Variants in UNC5C observed in about 807,000 individuals in gnomAD.
The protein encoded by UNC5C is unc-5 netrin receptor C.
In UNC5C, 47 loss-of-function variants were observed where a neutral mutation model predicts 99.8. The ratio of observed to expected loss-of-function variants is 0.47; its 90% CI spans 0.37 to 0.60. The LOEUF (loss-of-function observed/expected upper bound fraction) is 0.60. Among genes scored for constraint, UNC5C ranks in the 20% least tolerant of loss-of-function variants. UNC5C has a pLI of 0.00. For synonymous variants in UNC5C, 487 were observed against 452.2 expected (o/e 1.08, Z -0.98); for missense variants, 1,062 against 1,165.9 (o/e 0.91, Z 1.30).
chr4:95,517,855 T>C (rs1722255901), intron 1 of UNC5C, among the ~76,000 whole-genome samples: 1 of 152,180 alleles, frequency 6.6e-6, no homozygotes, highest in Admixed American at 6.5e-5. Context: ...GTTAAGTAAC[T>C]CATTGAGTCT....
At chr4:95,374,491 G>A (rs533874245) in intron 1 of UNC5C, among the ~76,000 whole-genome samples, 1 of 152,084 alleles carries the variant, frequency 6.6e-6, no homozygotes, top group East Asian at 1.9e-4. Flanking sequence ...ACAAGCAGTC[G>A]CTCCTTGGCC....
intron 1 of UNC5C, among the ~76,000 whole-genome samples, chr4:95,546,086 T>C (rs146208938): frequency 7.9e-4 from 121 of 152,356 alleles, no homozygotes; most frequent in South Asian, 3.3e-3. Flanking sequence ...CTTCTAATTT[T>C]TGCAGTACTT....
intron 1 of UNC5C, among the ~76,000 whole-genome samples, chr4:95,373,000 G>A (rs114754221): frequency 0.036 from 5,418 of 152,176 alleles, 142 homozygotes; most frequent in South Asian, 0.054. Context: ...TTGAAGCTAG[G>A]ATTAAGTTCT....
chr4:95,408,488 A>G (rs923028129), intron 1 of UNC5C, among the ~76,000 whole-genome samples: 1 of 152,162 alleles, frequency 6.6e-6, no homozygotes, highest in Admixed American at 6.5e-5. Context: ...ATCTTTTTGA[A>G]TTGCTCATCT....
At chr4:95,349,045 T>A (rs1255078642) in intron 1 of UNC5C, among the ~76,000 whole-genome samples, 2 of 151,250 alleles carry the variant, frequency 1.3e-5, no homozygotes, top group African/African-American at 4.9e-5. Flanking sequence ...ATGTATAAGA[T>A]CTAGTATTTG....
At chr4:95,352,648 C>G (rs1383639431) in intron 1 of UNC5C, among the ~76,000 whole-genome samples, 1 of 152,124 alleles carries the variant, frequency 6.6e-6, no homozygotes, top group African/African-American at 2.4e-5. Flanking sequence ...ACACAGCTCC[C>G]CAATCCAGAC....
At chr4:95,322,887 G>A (rs1400388467) in intron 2 of UNC5C, among the ~76,000 whole-genome samples, 8 of 149,332 alleles carry the variant, frequency 5.4e-5, no homozygotes, top group East Asian at 3.9e-4. Flanking sequence ...GCAGTGAGCC[G>A]AGATCATGCC....
At chr4:95,276,954 A>G (rs1740884105) in intron 4 of UNC5C, among the ~76,000 whole-genome samples, 1 of 152,206 alleles carries the variant, frequency 6.6e-6, no homozygotes, top group South Asian at 2.1e-4. Flanking sequence ...TTATTTCATA[A>G]GGACTCTGCC....
In UNC5C at chr4:95,164,290, A is replaced by G. The variant is rs1243301036; in HGVS notation, c.*4944T>C. The G allele has an allele frequency of 5.3e-5, 8 of 152,236 alleles. No individual in the cohort carries two copies. The highest frequency in any genetic ancestry group is 8.8e-5 in the Non-Finnish European group (6 of 68,040). 9.4% of individuals were successfully genotyped at this position (152,236 alleles called of 1,614,324 possible). ...TCCTGGCCTGTATGGATATGGGTTT[A>G]CATAACATTGGTTACAATATATTTA... On this transcript the variant is annotated 3_prime_UTR_variant, in exon 16 of 16. Transcript: ENST00000453304.
intron 3 of UNC5C, among the ~76,000 whole-genome samples, chr4:95,279,341 G>T (rs1740970882): frequency 6.6e-6 from 1 of 152,130 alleles, no homozygotes; most frequent in South Asian, 2.1e-4. Flanking sequence ...TATAGATATA[G>T]TTGATACAGG....
chr4:95,200,484 C>T (rs2149359625), intron 12 of UNC5C, among the ~76,000 whole-genome samples: 1 of 152,316 alleles, frequency 6.6e-6, no homozygotes. Context: ...GCTGTGTGAC[C>T]TAGGGCAACT....
chr4:95,224,288 TAAAAA>T (rs1560740818), intron 7 of UNC5C, among the ~76,000 whole-genome samples: 1 of 151,990 alleles, frequency 6.6e-6, no homozygotes, highest in Non-Finnish European at 1.5e-5. Context: ...TCTCAAAAAA[TAAAAA>T]GAAAAGAATC....
At chr4:95,472,628 A>G (rs1301360411) in intron 1 of UNC5C, among the ~76,000 whole-genome samples, 2 of 152,102 alleles carry the variant, frequency 1.3e-5, no homozygotes, top group South Asian at 2.1e-4. Flanking sequence ...CCCATGGTAC[A>G]CATATAAATT....
At chr4:95,302,746 A>G (rs2149404563) in intron 2 of UNC5C, among the ~76,000 whole-genome samples, 1 of 152,336 alleles carries the variant, frequency 6.6e-6, no homozygotes, top group Admixed American at 6.5e-5. Context: ...ATGTCCATCT[A>G]TTCATTTATT....
chr4:95,203,359 G>A (rs752925114), intron 11 of UNC5C, among the ~76,000 whole-genome samples: 45 of 152,068 alleles, frequency 3.0e-4, no homozygotes, highest in Admixed American at 1.2e-3. Flanking sequence ...AATCTTGGCC[G>A]TCAGATTCTA....
intron 10 of UNC5C, among the ~76,000 whole-genome samples, chr4:95,213,771 C>T (rs1168490600): frequency 2.0e-5 from 3 of 152,200 alleles, no homozygotes; most frequent in Non-Finnish European, 4.4e-5. Context: ...GATGTCCTCA[C>T]AGAGTCTTCT....
At chr4:95,187,457 A>ACAAT (rs150819980) in intron 12 of UNC5C, among the ~76,000 whole-genome samples, 6,362 of 152,278 alleles carry the variant, frequency 0.042, 180 homozygotes, top group Non-Finnish European at 0.067. Flanking sequence ...CCCCATTCCT[A>ACAAT]CAATCAACAT....
At chr4:95,465,915 T>A (rs1369611201) in intron 1 of UNC5C, among the ~76,000 whole-genome samples, 1 of 152,148 alleles carries the variant, frequency 6.6e-6, no homozygotes, top group Non-Finnish European at 1.5e-5. Flanking sequence ...TTCTTTGCCA[T>A]ACTTTGACTG....
At position 95,474,708 on chromosome 4, in the gene UNC5C, G is replaced by A. The variant is rs78843681; in HGVS notation, c.124+74026C>T. On this transcript the variant is annotated intron_variant, in intron 1 of 15. Transcript: ENST00000453304. ...AAACAAAGAATAAAATAAACATAAC[G>A]GAGAATAATAAAAACTTAGACATGC... Among the ~76,000 whole-genome samples the A allele has an allele frequency of 5.9e-3, 905 of 152,118 alleles. 8 individuals carry two copies. The highest frequency in any genetic ancestry group is 0.017 in the East Asian group (89 of 5,168).
Sources: allele counts gnomAD v4.1 joint callset (sites outside exome capture counted in the v4.1 genomes callset), GRCh38; gene constraint gnomAD v4.1.1; transcripts MANE v1.5; gene names NCBI Gene and HGNC (gene_info 2026-07-23, HGNC 2026-07-21).